The following CDK5RAP2 variants were observed in gnomAD, a reference collection of about 807,000 sequenced individuals.
CDK5RAP2 encodes the protein CDK5 regulatory subunit-associated protein 2.
A neutral mutation model predicts 232.9 loss-of-function variants in CDK5RAP2; 147 were observed. The observed-to-expected ratio is 0.63, with a 90% CI of 0.55 to 0.72. CDK5RAP2 has a LOEUF of 0.72. Ranked by LOEUF, CDK5RAP2 falls within the 30% of genes least tolerant of loss-of-function variation. The pLI, the probability that CDK5RAP2 is intolerant of heterozygous loss-of-function variation, is 0.00. For synonymous variants in CDK5RAP2, 833 were observed against 833.7 expected (o/e 1.00, Z 0.01); for missense variants, 2,195 against 2,231.5 (o/e 0.98, Z 0.33).
At chr9:120,413,221 G>C (rs888014815) in intron 28 of CDK5RAP2, among the ~76,000 whole-genome samples, 1 of 152,196 alleles carries the variant, frequency 6.6e-6, no homozygotes, top group Non-Finnish European at 1.5e-5. Flanking sequence ...GTTCCTGACC[G>C]ACCTAAACCT....
intron 3 of CDK5RAP2, 111 bp downstream of exon 3, chr9:120,568,210 C>T: frequency 1.2e-6 from 1 of 840,462 alleles, no homozygotes; most frequent in Non-Finnish European, 2.1e-6. Context: ...CACCCCCCTG[C>T]CTCTGGCATC....
At position 120,511,769 on chromosome 9, in the gene CDK5RAP2, G is replaced by A. The variant is rs369273587; in HGVS notation, c.1311+6658C>T. Among the ~76,000 whole-genome samples the A allele has an allele frequency of 1.1e-4, 14 of 125,834 alleles. 1 individual carries two copies. The highest frequency in any genetic ancestry group is 6.2e-3 in the Middle Eastern group (1 of 162). The allele number at this position is 125,834 out of a possible 152,430, so 82.6% of individuals were successfully genotyped here. A position where few individuals can be genotyped will look rare whatever the true frequency, so the allele number is the denominator to read the frequency against. On this transcript the variant is annotated intron_variant, in intron 12 of 37. Coordinates refer to ENST00000349780, the MANE Select transcript of CDK5RAP2 (RefSeq NM_018249.6). ...TTTTTTTTTTTTTTGAGACAGTCTCGCTCTGTCGCCCAGGCTGGAGTGTAG... is the reference window on the plus strand; with the variant it reads ...TTTTTTTTTTTTTTGAGACAGTCTCACTCTGTCGCCCAGGCTGGAGTGTAG...
chr9:120,504,825 G>C (rs2039735550), intron 12 of CDK5RAP2, among the ~76,000 whole-genome samples: 1 of 152,190 alleles, frequency 6.6e-6, no homozygotes, highest in South Asian at 2.1e-4. Context: ...CCCTCCACCT[G>C]GAAAAAGTAC....
intron 1 of CDK5RAP2, among the ~76,000 whole-genome samples, chr9:120,572,379 A>G (rs1324815168): frequency 1.3e-5 from 2 of 152,208 alleles, no homozygotes; most frequent in Non-Finnish European, 2.9e-5. Flanking sequence ...ACATGAGGAT[A>G]CCATGCCCTC....
intron 3 of CDK5RAP2, 26 bp from the exon 4 acceptor site, chr9:120,550,928 C>G: frequency 7.7e-7 from 1 of 1,290,954 alleles, no homozygotes; most frequent in East Asian, 2.3e-5. Context: ...GAAGGGTCAT[C>G]AAAAGCAAAC....
intron 23 of CDK5RAP2, among the ~76,000 whole-genome samples, chr9:120,442,835 T>C (rs2035975835): frequency 6.6e-6 from 1 of 152,188 alleles, no homozygotes; most frequent in Non-Finnish European, 1.5e-5. Flanking sequence ...ACAGTGTATA[T>C]ACCACAACTC....
chr9:120,402,403 A>G (rs973702359), intron 34 of CDK5RAP2, among the ~76,000 whole-genome samples: 2 of 152,240 alleles, frequency 1.3e-5, no homozygotes, highest in African/African-American at 2.4e-5. Flanking sequence ...TAATGGAGCA[A>G]CAGTTATCAT....
At chr9:120,392,054 T>C (rs570233211) in intron 36 of CDK5RAP2, among the ~76,000 whole-genome samples, 1 of 152,218 alleles carries the variant, frequency 6.6e-6, no homozygotes, top group African/African-American at 2.4e-5. Context: ...TATGAGACAT[T>C]TGCGGCTCTT....
At chr9:120,393,546 C>T (rs1353549768) in intron 36 of CDK5RAP2, among the ~76,000 whole-genome samples, 1 of 152,222 alleles carries the variant, frequency 6.6e-6, no homozygotes, top group Non-Finnish European at 1.5e-5. Flanking sequence ...AAAAGTGCTG[C>T]AGTCAGCAGT....
Position 120,552,952 on chromosome 9 carries a change from T to C in CDK5RAP2, c.196-2050A>G, listed in dbSNP as rs142229213. 1.2e-4 allele frequency among the ~76,000 whole-genome samples: 19 copies of C among 152,258 alleles called. No individual in the cohort carries two copies. The East Asian group carries it at 3.7e-3, about 29-fold the overall frequency. On this transcript the variant is annotated intron_variant, in intron 3 of 37. Coordinates refer to ENST00000349780, the MANE Select transcript of CDK5RAP2 (RefSeq NM_018249.6). ...TACAGAAAACATTAACTGGTGAATC[T>C]AGATGAATATACATGGTTGTTCACT...
chr9:120,401,627 A>AAAC, intron 34 of CDK5RAP2, among the ~76,000 whole-genome samples: 1 of 150,972 alleles, frequency 6.6e-6, no homozygotes, highest in Non-Finnish European at 1.5e-5. Flanking sequence ...AAAAAAAAAA[A>AAAC]AAAAAAGAGA....
chr9:120,408,063 G>C (rs1400204018), intron 31 of CDK5RAP2: 6 of 456,636 alleles, frequency 1.3e-5, no homozygotes, highest in African/African-American at 5.9e-5. Context: ...AGATAGGTAT[G>C]GGCTCAAAGG....
At chr9:120,487,572 C>A in intron 13 of CDK5RAP2, 135 bp from the exon 14 acceptor site, 1 of 680,320 alleles carries the variant, frequency 1.5e-6, no homozygotes, top group Non-Finnish European at 2.4e-6. Context: ...TTTCATCATT[C>A]CAAAATACTA....
Position 120,485,293 on chromosome 9 carries a change from C to CTTTTT in CDK5RAP2, c.1626+1996_1626+2000dup, listed in dbSNP as rs111411839. On this transcript the variant is annotated intron_variant, in intron 14 of 37. Transcript: ENST00000349780. ...AAACATTTTGTTCAACATTTAGATACTTTTTTTTTTTTTTTTTTTTTGAGA... is the reference window on the plus strand; with the variant it reads ...AAACATTTTGTTCAACATTTAGATACTTTTTTTTTTTTTTTTTTTTTTTTTTGAGA... 6.1e-4 allele frequency among the ~76,000 whole-genome samples: 81 copies of CTTTTT among 132,360 alleles called. 3 individuals carry two copies. Among genetic ancestry groups the CTTTTT allele is most frequent in the African/African-American group, 2.0e-3 (72 of 35,262 alleles). 86.8% of individuals were successfully genotyped at this position (132,360 alleles called of 152,430 possible).
chr9:120,390,363 T>G (rs1454335281), intron 36 of CDK5RAP2: 1 of 159,078 alleles, frequency 6.3e-6, no homozygotes, highest in East Asian at 1.8e-4. Context: ...TTGCCTGCCC[T>G]TTAGCTGGTG....
chr9:120,414,975 A>T, intron 28 of CDK5RAP2, 65 bp downstream of exon 28: 2 of 1,585,094 alleles, frequency 1.3e-6, no homozygotes, highest in Non-Finnish European at 1.7e-6. Context: ...ATGCTTACTC[A>T]GGCAAATGCG....
At chr9:120,499,167 T>C (rs2039457059) in intron 12 of CDK5RAP2, among the ~76,000 whole-genome samples, 1 of 152,212 alleles carries the variant, frequency 6.6e-6, no homozygotes. Context: ...AATGTGAAAA[T>C]GGTACTTTTT....
At chr9:120,531,789 C>CA (rs1833075503) in intron 7 of CDK5RAP2, among the ~76,000 whole-genome samples, 1 of 152,092 alleles carries the variant, frequency 6.6e-6, no homozygotes, top group Admixed American at 6.5e-5. Context: ...AAGAGGGAGA[C>CA]AAAGGTAACT....
intron 4 of CDK5RAP2, 124 bp from the exon 5 acceptor site, chr9:120,545,914 A>G: frequency 1.3e-6 from 1 of 776,948 alleles, no homozygotes; most frequent in East Asian, 2.6e-5. Context: ...CAGATGTTAG[A>G]TTCCAAAAAC....
Sources: allele counts gnomAD v4.1 joint callset (sites outside exome capture counted in the v4.1 genomes callset), GRCh38; gene constraint gnomAD v4.1.1; transcripts MANE v1.5; gene names NCBI Gene and HGNC (gene_info 2026-07-23, HGNC 2026-07-21).